The following HMGA2 variants were observed in gnomAD, a reference collection of about 807,000 sequenced individuals.
The protein encoded by HMGA2 is high mobility group protein HMGI-C.
HMGA2 carries 8 observed loss-of-function variants against 19.1 expected under a neutral mutation model. The observed-to-expected ratio is 0.42, with a 90% CI of 0.25 to 0.76. HMGA2 has a LOEUF of 0.76. HMGA2 is among the 30% of genes least tolerant of loss of function. The pLI is 0.28. For synonymous variants in HMGA2, 60 were observed against 48.8 expected (o/e 1.23, Z -0.96); for missense variants, 109 against 136.3 (o/e 0.80, Z 1.00).
intron 3 of HMGA2, among the ~76,000 whole-genome samples, chr12:65,862,974 G>A (rs1352422932): frequency 6.6e-6 from 1 of 152,132 alleles, no homozygotes; most frequent in Non-Finnish European, 1.5e-5. Context: ...ACGAACTTAC[G>A]CATGCTTCCC....
chr12:65,956,754 T>C (rs1325911292), intron 4 of HMGA2: 2 of 152,200 alleles, frequency 1.3e-5, no homozygotes, highest in Non-Finnish European at 2.9e-5. Context: ...GTCTGTGGAT[T>C]AGGCTCAAAA....
chr12:65,919,379 T>TA lies in HMGA2; in HGVS notation c.250-31994dup, dbSNP rs137977558. Among the ~76,000 whole-genome samples, 231 of 150,218 alleles carry TA rather than the reference T, an allele frequency of 1.5e-3. 4 individuals carry two copies. Among genetic ancestry groups the TA allele is most frequent in the African/African-American group, 5.0e-3 (205 of 41,086 alleles). ...AGTAAATTAAGCAAAATATCTACTT[T>TA]AAAAAAAAAATGGTAGTAGTCCCAT... On this transcript the variant is annotated intron_variant, in intron 3 of 4. Transcript: ENST00000403681.
chr12:65,825,073 T>C lies in HMGA2; in HGVS notation c.-198T>C. The C allele has an allele frequency of 2.0e-6, 1 of 503,698 alleles. No individual in the cohort carries two copies. The highest frequency in any genetic ancestry group is 3.5e-6 in the Non-Finnish European group (1 of 286,206). 31.2% of individuals were successfully genotyped at this position (503,698 alleles called of 1,614,324 possible). On this transcript the variant is annotated 5_prime_UTR_variant, in exon 1 of 5. Coordinates refer to ENST00000403681, the MANE Select transcript of HMGA2 (RefSeq NM_003483.6). The surrounding 1 kb of genome is among the most constrained non-coding windows in gnomAD (Gnocchi z 4.4). Reference sequence around the variant, plus strand: ...CTCCTCCTCCTCCCCTCTTCTCTTTTTGGCAGCCGCTGGACGTCCGGTGTT... The same window carrying C: ...CTCCTCCTCCTCCCCTCTTCTCTTTCTGGCAGCCGCTGGACGTCCGGTGTT...
At chr12:65,881,978 T>C in intron 3 of HMGA2, 1 of 696,760 alleles carries the variant, frequency 1.4e-6, no homozygotes, top group East Asian at 2.7e-5. Flanking sequence ...CAGCTGAACG[T>C]CTCCATCTCC....
rs1876838878 is a variant in HMGA2 at position 65,964,269 on chromosome 12, T to TA, written c.*978dup. On this transcript the variant is annotated 3_prime_UTR_variant, in exon 5 of 5. Coordinates refer to ENST00000403681, the MANE Select transcript of HMGA2 (RefSeq NM_003483.6). The stretch of plus-strand genomic sequence containing the variant: ...AAATCTAAATTTCTTTTGCTATAGT[T>TA]ATACATCAATTTAAAAAGCAAAAAA... 5.1e-6 allele frequency: 1 copy of TA among 197,020 alleles called. No individual in the cohort carries two copies. The highest frequency in any genetic ancestry group is 6.1e-5 in the Admixed American group (1 of 16,320). The allele number at this position is 197,020 out of a possible 1,614,324, so 12.2% of individuals were successfully genotyped here. A position where few individuals can be genotyped will look rare whatever the true frequency, so the allele number is the denominator to read the frequency against.
intron 3 of HMGA2, among the ~76,000 whole-genome samples, chr12:65,870,865 T>G (rs867854955): frequency 6.6e-6 from 1 of 152,144 alleles, no homozygotes. Context: ...TTGGATTGGA[T>G]AGTGTACATT....
chr12:65,880,783 A>T (rs1873332873), intron 3 of HMGA2, among the ~76,000 whole-genome samples: 1 of 150,452 alleles, frequency 6.6e-6, no homozygotes, highest in East Asian at 1.9e-4. Flanking sequence ...TCTTTTACTT[A>T]AAAAAAAAAT....
intron 3 of HMGA2, among the ~76,000 whole-genome samples, chr12:65,919,144 A>C (rs1227264668): frequency 1.3e-5 from 2 of 152,218 alleles, no homozygotes; most frequent in African/African-American, 4.8e-5. Context: ...CTTTGGGAAC[A>C]TTGCGCAGCA....
chr12:65,939,170 T>C (rs1875999335), intron 3 of HMGA2, among the ~76,000 whole-genome samples: 1 of 152,210 alleles, frequency 6.6e-6, no homozygotes, highest in Non-Finnish European at 1.5e-5. Flanking sequence ...AGATGGCCAA[T>C]TTCCCTGCTT....
intron 3 of HMGA2, among the ~76,000 whole-genome samples, chr12:65,939,486 G>A (rs1357305071): frequency 1.3e-5 from 2 of 152,018 alleles, no homozygotes; most frequent in Non-Finnish European, 2.9e-5. Context: ...CTCCTGAGCA[G>A]CTGTGAATAC....
chr12:65,849,309 T>G (rs1565706966), intron 3 of HMGA2, among the ~76,000 whole-genome samples: 1 of 152,182 alleles, frequency 6.6e-6, no homozygotes, highest in Non-Finnish European at 1.5e-5. Flanking sequence ...GGGGTGGAGT[T>G]AGAATGTATG....
At chr12:65,869,578 T>C (rs1431949348) in intron 3 of HMGA2, among the ~76,000 whole-genome samples, 3 of 152,224 alleles carry the variant, frequency 2.0e-5, no homozygotes, top group Non-Finnish European at 2.9e-5. Flanking sequence ...GCTCTCCTTA[T>C]GTATTTAAGA....
At chr12:65,837,604 T>G (rs780097702) in intron 2 of HMGA2, among the ~76,000 whole-genome samples, 1 of 152,148 alleles carries the variant, frequency 6.6e-6, no homozygotes, top group Non-Finnish European at 1.5e-5. Flanking sequence ...AGGAACACGT[T>G]TTTATAGATG....
chr12:65,900,053 T>G (rs560745295), intron 3 of HMGA2, among the ~76,000 whole-genome samples: 1 of 152,364 alleles, frequency 6.6e-6, no homozygotes, highest in Non-Finnish European at 1.5e-5. Context: ...ATTTTAATAC[T>G]TATAACGACT....
chr12:65,848,325 T>C (rs2120915215), intron 3 of HMGA2, among the ~76,000 whole-genome samples: 1 of 152,338 alleles, frequency 6.6e-6, no homozygotes, highest in South Asian at 2.1e-4. Context: ...TAATGGCCTA[T>C]TTGTGTCCCA....
rs958326506 is a variant in HMGA2, at chr12:65,965,361, T to C, written c.*2069T>C. The C allele has an allele frequency of 3.9e-5, 8 of 205,126 alleles. No individual in the cohort carries two copies. The highest frequency in any genetic ancestry group is 1.8e-4 in the African/African-American group (8 of 43,804). 12.7% of individuals were successfully genotyped at this position (205,126 alleles called of 1,614,324 possible). On this transcript the variant is annotated 3_prime_UTR_variant, in exon 5 of 5. Transcript: ENST00000403681. Reference sequence around the variant, plus strand: ...GTAGAGTTTTTATGCCTTTCTCTCCTAGTGAGTGTGCTGACTTTTTAACAT... The same window carrying C: ...GTAGAGTTTTTATGCCTTTCTCTCCCAGTGAGTGTGCTGACTTTTTAACAT...
chr12:65,953,203 T>A (rs1876514176), intron 4 of HMGA2: 1 of 152,160 alleles, frequency 6.6e-6, no homozygotes, highest in African/African-American at 2.4e-5. Context: ...ACTCCCTAAG[T>A]GAGTTTAATA....
intron 3 of HMGA2, among the ~76,000 whole-genome samples, chr12:65,944,040 C>A (rs547228526): frequency 1.3e-5 from 2 of 152,320 alleles, no homozygotes; most frequent in African/African-American, 4.8e-5. Flanking sequence ...GTATAGCTAG[C>A]TGTAGCTGAG....
intron 3 of HMGA2, among the ~76,000 whole-genome samples, chr12:65,846,090 C>T (rs10878338): frequency 0.22 from 33,755 of 151,964 alleles, 7,944 homozygotes; most frequent in African/African-American, 0.59. Flanking sequence ...TTCAGATTAT[C>T]TACATCCAGG....
Sources: gnomAD v4.1 joint callset for allele counts (sites outside exome capture counted in the v4.1 genomes callset) on GRCh38, gnomAD v4.1.1 for gene constraint, Gnocchi (gnomAD v3.1) non-coding constraint, MANE v1.5 for transcripts, NCBI Gene and HGNC (gene_info 2026-07-23, HGNC 2026-07-21) for gene names.